Variants in KCND2 observed in about 807,000 individuals in gnomAD.
The protein encoded by KCND2 is potassium voltage-gated channel subfamily D member 2.
In KCND2, 16 loss-of-function variants were observed where a neutral mutation model predicts 54.4. The ratio of observed to expected loss-of-function variants is 0.29; its 90% CI spans 0.20 to 0.45. KCND2 has a LOEUF of 0.45. Among genes scored for constraint, KCND2 ranks in the 20% least tolerant of loss-of-function variants. The pLI, the probability that KCND2 is intolerant of heterozygous loss-of-function variation, is 1.00. For missense variants in KCND2, 486 were observed against 824.2 expected (o/e 0.59, Z 5.02); for synonymous variants, 317 against 310.7 (o/e 1.02, Z -0.21).
At chr7:120,622,685 A>T (rs1228986205) in intron 1 of KCND2, among the ~76,000 whole-genome samples, 4 of 139,432 alleles carry the variant, frequency 2.9e-5, no homozygotes, top group Admixed American at 7.1e-5. Context: ...ACACACACAC[A>T]CACACTCTCT....
chr7:120,448,491 C>T (rs942581197), intron 1 of KCND2, among the ~76,000 whole-genome samples: 5 of 151,980 alleles, frequency 3.3e-5, no homozygotes, highest in Admixed American at 2.0e-4. Flanking sequence ...AATAAACATA[C>T]GTGTGCATGT....
intron 1 of KCND2, among the ~76,000 whole-genome samples, chr7:120,485,753 T>A (rs183697710): frequency 6.6e-6 from 1 of 150,828 alleles, no homozygotes. Context: ...ATGGGTCTTA[T>A]TTATTATTCT....
intron 1 of KCND2, among the ~76,000 whole-genome samples, chr7:120,589,028 C>T (rs997449835): frequency 5.3e-5 from 8 of 152,056 alleles, no homozygotes; most frequent in Non-Finnish European, 1.0e-4. Flanking sequence ...AAAGCCAGAC[C>T]GGAAAGATTT....
intron 1 of KCND2, among the ~76,000 whole-genome samples, chr7:120,338,183 G>A (rs1002167502): frequency 6.6e-6 from 1 of 151,886 alleles, no homozygotes; most frequent in African/African-American, 2.4e-5. Context: ...ATTCATTTGT[G>A]TCTTAGTGTG....
chr7:120,663,006 A>G (rs1006070893), intron 1 of KCND2, among the ~76,000 whole-genome samples: 3 of 152,202 alleles, frequency 2.0e-5, no homozygotes, highest in African/African-American at 2.4e-5. Flanking sequence ...CAGCTGTCCT[A>G]TGCAGCTCTC....
intron 1 of KCND2, among the ~76,000 whole-genome samples, chr7:120,654,758 T>C (rs1045471266): frequency 1.3e-5 from 2 of 152,120 alleles, no homozygotes; most frequent in African/African-American, 4.8e-5. Context: ...TGCACAACTG[T>C]GTATGGAGTA....
At position 120,577,994 on chromosome 7, in the gene KCND2, A is replaced by C. The variant is rs145486296; in HGVS notation, c.1116-154909A>C. On this transcript the variant is annotated intron_variant, in intron 1 of 5. Transcript: ENST00000331113. The stretch of plus-strand genomic sequence containing the variant: ...GGCAGGAGGATCTCTTGAGTCCAGG[A>C]GTTCAAGACAAGCCTGAGCAACATG... Among the ~76,000 whole-genome samples, 216 of 152,224 alleles carry C rather than the reference A, an allele frequency of 1.4e-3. 3 individuals are homozygous for C. In the East Asian group the frequency reaches 0.034, roughly 24 times the overall value.
At chr7:120,633,982 T>C (rs1793271158) in intron 1 of KCND2, among the ~76,000 whole-genome samples, 1 of 152,174 alleles carries the variant, frequency 6.6e-6, no homozygotes, top group Non-Finnish European at 1.5e-5. Context: ...GGAAAACAAA[T>C]TTTGTCAAAC....
At chr7:120,493,464 G>A (rs997924444) in intron 1 of KCND2, among the ~76,000 whole-genome samples, 3 of 151,918 alleles carry the variant, frequency 2.0e-5, no homozygotes, top group Admixed American at 1.3e-4. Context: ...AGTTTAATGG[G>A]GGTAAACAGA....
intron 1 of KCND2, among the ~76,000 whole-genome samples, chr7:120,555,614 A>G (rs1187165496): frequency 6.6e-6 from 1 of 152,248 alleles, no homozygotes; most frequent in Admixed American, 6.5e-5. Flanking sequence ...AACTGTAGAG[A>G]TTAAAATCTG....
intron 1 of KCND2, among the ~76,000 whole-genome samples, chr7:120,391,550 C>G (rs996299976): frequency 6.6e-6 from 1 of 152,110 alleles, no homozygotes; most frequent in Non-Finnish European, 1.5e-5. Context: ...GAAAGAGTCC[C>G]TATTTCTCCG....
intron 1 of KCND2, among the ~76,000 whole-genome samples, chr7:120,663,391 T>A (rs1791889556): frequency 6.6e-6 from 1 of 152,192 alleles, no homozygotes; most frequent in African/African-American, 2.4e-5. Flanking sequence ...AATAATGGGA[T>A]AATTAAAAGG....
chr7:120,539,229 T>A (rs1791950453), intron 1 of KCND2, among the ~76,000 whole-genome samples: 1 of 152,194 alleles, frequency 6.6e-6, no homozygotes, highest in Admixed American at 6.6e-5. Context: ...TCATGAACAA[T>A]TAAATCCTAG....
chr7:120,450,186 G>T (rs1225332110), intron 1 of KCND2, among the ~76,000 whole-genome samples: 2 of 152,194 alleles, frequency 1.3e-5, no homozygotes, highest in African/African-American at 4.8e-5. Flanking sequence ...GCCGAGGCGG[G>T]TGGATCATGA....
At chr7:120,287,793 G>A (rs541081110) in intron 1 of KCND2, among the ~76,000 whole-genome samples, 18 of 152,116 alleles carry the variant, frequency 1.2e-4, no homozygotes, top group African/African-American at 4.1e-4. Context: ...GCAGTGAGCC[G>A]AGATTGCGCC....
intron 1 of KCND2, among the ~76,000 whole-genome samples, chr7:120,320,741 T>C (rs1027439315): frequency 6.6e-6 from 1 of 152,138 alleles, no homozygotes. Context: ...AGCAAAGAAC[T>C]AAGAGTCTAA....
chr7:120,398,874 T>A (rs1295550875), intron 1 of KCND2, among the ~76,000 whole-genome samples: 7 of 152,028 alleles, frequency 4.6e-5, no homozygotes, highest in African/African-American at 1.7e-4. Flanking sequence ...GGGAAACTGT[T>A]AGAGTAGGTC....
intron 1 of KCND2, among the ~76,000 whole-genome samples, chr7:120,411,226 G>T (rs551701630): frequency 2.0e-5 from 3 of 151,800 alleles, no homozygotes; most frequent in African/African-American, 7.2e-5. Context: ...ACCATAAGTG[G>T]TGTTTTTTAA....
At position 120,739,995 on chromosome 7, in the gene KCND2, T is replaced by G. The variant is rs149837198; in HGVS notation, c.1279-1539T>G. 2.8e-3 allele frequency among the ~76,000 whole-genome samples: 426 copies of G among 152,222 alleles called. 1 individual carries two copies. Among genetic ancestry groups the G allele is most frequent in the African/African-American group, 8.5e-3 (354 of 41,564 alleles). On this transcript the variant is annotated intron_variant, in intron 2 of 5. Transcript: ENST00000331113. ...AATAAATAATTATTTGTTTATACCG[T>G]GGTATATTATACATTCATTAAAAAT...
Sources: allele counts gnomAD v4.1 joint callset (sites outside exome capture counted in the v4.1 genomes callset), GRCh38; gene constraint gnomAD v4.1.1; transcripts MANE v1.5; gene names NCBI Gene and HGNC (gene_info 2026-07-23, HGNC 2026-07-21).